SH3BGRL2: variants seen among roughly 807,000 people sequenced by gnomAD.
SH3BGRL2 encodes SH3 domain binding glutamate rich protein like 2.
Under a neutral mutation model 14.8 loss-of-function variants are expected in SH3BGRL2, and 21 were observed. That is an observed-to-expected ratio of 1.42 (90% CI 1.01 to 2.05). The LOEUF is 2.05. Among genes scored for constraint, SH3BGRL2 ranks in the 30% most tolerant of loss-of-function variants. The pLI is 0.00. For synonymous variants in SH3BGRL2, 50 were observed against 47.8 expected (o/e 1.05, Z -0.19); for missense variants, 147 against 130.8 (o/e 1.12, Z -0.61).
At chr6:79,576,786 C>A in the SH3BGRL2 span, among the ~76,000 whole-genome samples, 1 of 152,196 alleles carries the variant, frequency 6.6e-6, no homozygotes, top group Non-Finnish European at 1.5e-5. Flanking sequence ...GATGCCCCTT[C>A]TAAGGCATTC....
chr6:79,602,066 G>C, the SH3BGRL2 span, among the ~76,000 whole-genome samples: 4 of 152,146 alleles, frequency 2.6e-5, no homozygotes, highest in Non-Finnish European at 5.9e-5. Flanking sequence ...TTAAAAAATA[G>C]ATTCAGTTTT....
chr6:79,683,659 G>A (rs1458919833), intron 2 of SH3BGRL2, among the ~76,000 whole-genome samples: 1 of 152,142 alleles, frequency 6.6e-6, no homozygotes, highest in Non-Finnish European at 1.5e-5. Context: ...ATGTTTGCCA[G>A]GATGGTCTTG....
the SH3BGRL2 span, among the ~76,000 whole-genome samples, chr6:79,554,911 A>G: frequency 6.7e-6 from 1 of 149,674 alleles, no homozygotes; most frequent in Non-Finnish European, 1.5e-5. Flanking sequence ...TGGCAATATT[A>G]TTATATGCAC....
At chr6:79,684,421 A>G (rs1306402328) in intron 2 of SH3BGRL2, among the ~76,000 whole-genome samples, 1 of 152,100 alleles carries the variant, frequency 6.6e-6, no homozygotes, top group Admixed American at 6.5e-5. Context: ...TTGGTTTCCA[A>G]GTACCTTGTG....
intron 1 of SH3BGRL2, among the ~76,000 whole-genome samples, chr6:79,646,008 G>A (rs1769136126): frequency 6.6e-6 from 1 of 152,148 alleles, no homozygotes; most frequent in Admixed American, 6.5e-5. Flanking sequence ...GTCATCAGTG[G>A]CATTATTGAC....
At chr6:79,650,204 G>T (rs1391634510) in intron 1 of SH3BGRL2, among the ~76,000 whole-genome samples, 2 of 152,104 alleles carry the variant, frequency 1.3e-5, no homozygotes, top group East Asian at 3.9e-4. Flanking sequence ...AAGGGCAAGT[G>T]CCTGTAGAGA....
At chr6:79,623,179 G>A in the SH3BGRL2 span, among the ~76,000 whole-genome samples, 3 of 152,060 alleles carry the variant, frequency 2.0e-5, no homozygotes, top group Admixed American at 1.3e-4. Context: ...GGTGGCATAC[G>A]CCTGTAATCC....
rs1207967165 is a variant in SH3BGRL2 at position 79,700,108 on chromosome 6, C to T, written c.*599C>T. On this transcript the variant is annotated 3_prime_UTR_variant, in exon 4 of 4. Transcript: ENST00000369838. ...GAAACTCTTACCTCCACATATTATC[C>T]TACAGATGTTTCCAGAAATCCCTGT... 6.6e-6 allele frequency: 1 copy of T among 152,214 alleles called. No homozygotes were observed. The highest frequency in any genetic ancestry group is 1.5e-5 in the Non-Finnish European group (1 of 68,062). 9.4% of individuals were successfully genotyped at this position (152,214 alleles called of 1,614,324 possible). A position where few individuals can be genotyped will look rare whatever the true frequency, so the allele number is the denominator to read the frequency against.
the SH3BGRL2 span, among the ~76,000 whole-genome samples, chr6:79,625,183 A>AT: frequency 0.017 from 2,553 of 150,292 alleles, 72 homozygotes; most frequent in African/African-American, 0.06. Flanking sequence ...TATTAAAAAA[A>AT]ATATATATAT....
chr6:79,570,096 C>T, the SH3BGRL2 span, among the ~76,000 whole-genome samples: 2 of 152,062 alleles, frequency 1.3e-5, no homozygotes, highest in African/African-American at 4.8e-5. Flanking sequence ...AATCCATTTC[C>T]CCTTCCTTTT....
the SH3BGRL2 span, among the ~76,000 whole-genome samples, chr6:79,611,195 A>G: frequency 6.6e-6 from 1 of 152,092 alleles, no homozygotes; most frequent in African/African-American, 2.4e-5. Flanking sequence ...TTTTGTTGTC[A>G]TCATTTATAA....
chr6:79,597,046 A>G, the SH3BGRL2 span, among the ~76,000 whole-genome samples: 4 of 152,124 alleles, frequency 2.6e-5, no homozygotes, highest in African/African-American at 4.8e-5. Context: ...CCTGGCCAAC[A>G]TGGCAAAACC....
At position 79,696,339 on chromosome 6, in the gene SH3BGRL2, A is replaced by C; in HGVS notation, c.232-146A>C. 4 of 573,132 alleles carry C rather than the reference A, an allele frequency of 7.0e-6. No individual in the cohort carries two copies. The East Asian group carries it at 1.4e-4, about 20-fold the overall frequency. 35.5% of individuals were successfully genotyped at this position (573,132 alleles called of 1,614,324 possible). A position where few individuals can be genotyped will look rare whatever the true frequency, so the allele number is the denominator to read the frequency against. On this transcript the variant is annotated intron_variant, in intron 2 of 3. Coordinates refer to ENST00000369838, the MANE Select transcript of SH3BGRL2 (RefSeq NM_031469.4). ...ATAAATTTTTACGTGCAAGCAGACT[A>C]ATTCAGCAGATTTATTTAGCTTTTC...
At chr6:79,546,309 C>A in the SH3BGRL2 span, among the ~76,000 whole-genome samples, 1 of 152,094 alleles carries the variant, frequency 6.6e-6, no homozygotes, top group Non-Finnish European at 1.5e-5. Context: ...CTTGTTTCTC[C>A]CACTTCCTGC....
chr6:79,655,411 GT>G (rs5877668), intron 1 of SH3BGRL2, among the ~76,000 whole-genome samples: 68,495 of 149,954 alleles, frequency 0.46, 16,363 homozygotes, highest in Non-Finnish European at 0.54. Context: ...TGCAAATTCA[GT>G]TTTTTTTTTT....
chr6:79,581,804 G>T, the SH3BGRL2 span, among the ~76,000 whole-genome samples: 2 of 152,136 alleles, frequency 1.3e-5, no homozygotes, highest in Non-Finnish European at 2.9e-5. Context: ...GCAAGAGAAA[G>T]AAATAAAGGG....
At chr6:79,608,140 A>G in the SH3BGRL2 span, among the ~76,000 whole-genome samples, 4 of 152,112 alleles carry the variant, frequency 2.6e-5, no homozygotes, top group South Asian at 8.3e-4. Context: ...TCTCGTGAGA[A>G]CTCACTCACT....
chr6:79,589,468 A>G, the SH3BGRL2 span, among the ~76,000 whole-genome samples: 4 of 152,256 alleles, frequency 2.6e-5, no homozygotes, highest in South Asian at 4.1e-4. Context: ...AAATCAGTCA[A>G]TCATTCTATA....
the SH3BGRL2 span, among the ~76,000 whole-genome samples, chr6:79,544,550 C>T: frequency 1.4e-4 from 22 of 152,308 alleles, no homozygotes; most frequent in African/African-American, 5.1e-4. Context: ...ATCATAGCTT[C>T]CCCAGAGCCA....
Sources: gnomAD v4.1 joint callset for allele counts (sites outside exome capture counted in the v4.1 genomes callset) on GRCh38, gnomAD v4.1.1 for gene constraint, MANE v1.5 for transcripts, NCBI Gene and HGNC (gene_info 2026-07-23, HGNC 2026-07-21) for gene names.